The following KCNMA1 variants were observed in gnomAD, a reference collection of about 807,000 sequenced individuals.
The protein encoded by KCNMA1 is potassium calcium-activated channel subfamily M alpha 1, also known as Calcium-activated potassium channel subunit alpha-1.
Under a neutral mutation model 140.0 loss-of-function variants are expected in KCNMA1, and 29 were observed. That is an observed-to-expected ratio of 0.21 (90% CI 0.15 to 0.28). KCNMA1 has a LOEUF of 0.28. Ranked by LOEUF, KCNMA1 falls within the 10% of genes least tolerant of loss-of-function variation. KCNMA1 has a pLI of 1.00. For synonymous variants in KCNMA1, 612 were observed against 611.9 expected (o/e 1.00, Z 0.00); for missense variants, 880 against 1,602.2 (o/e 0.55, Z 7.70).
chr10:76,921,943 A>T (rs947255082), intron 23 of KCNMA1, among the ~76,000 whole-genome samples: 1 of 152,186 alleles, frequency 6.6e-6, no homozygotes, highest in Non-Finnish European at 1.5e-5. Flanking sequence ...CAATAAAAAA[A>T]AGATTATTTA....
chr10:77,044,017 G>T (rs369101513), intron 14 of KCNMA1, among the ~76,000 whole-genome samples: 1 of 152,122 alleles, frequency 6.6e-6, no homozygotes. Context: ...CAATTAAAAA[G>T]ATTTTTAAAA....
intron 1 of KCNMA1, among the ~76,000 whole-genome samples, chr10:77,424,987 C>T (rs547133935): frequency 1.3e-5 from 2 of 152,342 alleles, no homozygotes; most frequent in Admixed American, 1.3e-4. Flanking sequence ...GTTGTCTACA[C>T]AGGGCCTAGC....
intron 1 of KCNMA1, among the ~76,000 whole-genome samples, chr10:77,592,648 C>G (rs2079562629): frequency 6.6e-6 from 1 of 152,110 alleles, no homozygotes; most frequent in African/African-American, 2.4e-5. Flanking sequence ...TGGGCAAGAC[C>G]CAGAGGCAGG....
chr10:77,154,824 G>T (rs973348805), intron 5 of KCNMA1, among the ~76,000 whole-genome samples: 3 of 152,194 alleles, frequency 2.0e-5, no homozygotes, highest in African/African-American at 7.2e-5. Flanking sequence ...ACTAAACAAT[G>T]AAGCAAACAA....
chr10:77,238,100 A>G (rs2056168799), intron 3 of KCNMA1, among the ~76,000 whole-genome samples: 1 of 152,126 alleles, frequency 6.6e-6, no homozygotes, highest in African/African-American at 2.4e-5. Flanking sequence ...GAAGCTGGGA[A>G]TTCAGATGAG....
At chr10:77,460,899 A>G (rs1017011364) in intron 1 of KCNMA1, among the ~76,000 whole-genome samples, 3 of 152,206 alleles carry the variant, frequency 2.0e-5, no homozygotes, top group Non-Finnish European at 4.4e-5. Flanking sequence ...TGAGGTCAAG[A>G]GTTCAAGACC....
At chr10:77,394,989 G>A (rs1402888768) in intron 2 of KCNMA1, among the ~76,000 whole-genome samples, 1 of 152,144 alleles carries the variant, frequency 6.6e-6, no homozygotes, top group African/African-American at 2.4e-5. Context: ...GTTTATGGAC[G>A]CTGAAATTTG....
At chr10:77,025,050 G>A (rs924240749) in intron 16 of KCNMA1, among the ~76,000 whole-genome samples, 2 of 151,636 alleles carry the variant, frequency 1.3e-5, no homozygotes, top group African/African-American at 4.8e-5. Flanking sequence ...CTGGAGAGAA[G>A]CATCCTCCTG....
At chr10:77,527,699 A>G (rs899486429) in intron 1 of KCNMA1, among the ~76,000 whole-genome samples, 1 of 152,186 alleles carries the variant, frequency 6.6e-6, no homozygotes, top group Non-Finnish European at 1.5e-5. Context: ...AAGAGAAAGA[A>G]AGAGAGAGAG....
chr10:76,985,536 C>G (rs2081029490), intron 19 of KCNMA1, among the ~76,000 whole-genome samples: 1 of 152,142 alleles, frequency 6.6e-6, no homozygotes, highest in African/African-American at 2.4e-5. Context: ...TTACAAACAA[C>G]TAAGATTACA....
At chr10:77,203,365 T>C (rs981247495) in intron 3 of KCNMA1, among the ~76,000 whole-genome samples, 2 of 152,126 alleles carry the variant, frequency 1.3e-5, no homozygotes, top group Admixed American at 1.3e-4. Context: ...CCCATGCTAT[T>C]CCCTTGCAAG....
rs543433004 is a variant in KCNMA1 at position 77,122,556 on chromosome 10, G to GA, written c.809-1509dup. On this transcript the variant is annotated intron_variant, in intron 5 of 27. Coordinates refer to ENST00000286628, the MANE Select transcript of KCNMA1 (RefSeq NM_001161352.2). ...AAGCAGAGAAAATATGAGAAAGGGA[G>GA]AAAAAAAAAAGATGAAACTTCAGAA... Among the ~76,000 whole-genome samples the GA allele has an allele frequency of 7.7e-4, 111 of 143,524 alleles. 1 individual carries two copies. The highest frequency in any genetic ancestry group is 3.5e-3 in the Middle Eastern group (1 of 286). The allele number at this position is 143,524 out of a possible 152,430, so 94.2% of individuals were successfully genotyped here.
rs573604193 is a variant in KCNMA1, at chr10:77,492,011, G to A, written c.379-87988C>T. ...GAGGGAATGGGCGAGCATCTTGTAC[G>A]CCCTGCCGGTCCCGCCTCACTGCCT... is the stretch of plus-strand genomic sequence containing the variant. On this transcript the variant is annotated intron_variant, in intron 1 of 27. Coordinates refer to ENST00000286628, the MANE Select transcript of KCNMA1 (RefSeq NM_001161352.2). Among the ~76,000 whole-genome samples the A allele has an allele frequency of 3.0e-4, 45 of 152,214 alleles. No individual in the cohort carries two copies. The South Asian group carries it at 7.7e-3, about 26-fold the overall frequency.
intron 1 of KCNMA1, among the ~76,000 whole-genome samples, chr10:77,431,833 A>T (rs2097161303): frequency 6.6e-6 from 1 of 152,042 alleles, no homozygotes; most frequent in South Asian, 2.1e-4. Flanking sequence ...CCATCTCTAA[A>T]ATATAAAAAA....
chr10:76,970,093 T>C (rs2075581419), intron 19 of KCNMA1, 26 bp from the exon 20 acceptor site: 3 of 1,585,354 alleles, frequency 1.9e-6, no homozygotes, highest in Non-Finnish European at 2.6e-6. Flanking sequence ...GCTCATGAGA[T>C]TATGAACAGT....
At chr10:77,280,036 C>T (rs1190633474) in intron 2 of KCNMA1, among the ~76,000 whole-genome samples, 1 of 152,226 alleles carries the variant, frequency 6.6e-6, no homozygotes, top group Non-Finnish European at 1.5e-5. Flanking sequence ...CCACCATTTG[C>T]TCTTTCCATA....
At chr10:77,442,345 A>C (rs112675582) in intron 1 of KCNMA1, among the ~76,000 whole-genome samples, 10,096 of 151,654 alleles carry the variant, frequency 0.067, 444 homozygotes, top group East Asian at 0.14. Context: ...TCCCCTTGCC[A>C]CCTAGACCCC....
intron 19 of KCNMA1, chr10:76,995,861 T>C: frequency 2.7e-6 from 1 of 365,022 alleles, no homozygotes; most frequent in Non-Finnish European, 5.4e-6. Context: ...AAGAAAGGTG[T>C]CCCATGATGG....
At chr10:76,958,942 G>A (rs1048669947) in intron 20 of KCNMA1, among the ~76,000 whole-genome samples, 9 of 152,120 alleles carry the variant, frequency 5.9e-5, no homozygotes, top group African/African-American at 7.2e-5. Flanking sequence ...GAAGGCCCCC[G>A]GCTGCCCTTC....
Sources: allele counts gnomAD v4.1 joint callset (sites outside exome capture counted in the v4.1 genomes callset), GRCh38; gene constraint gnomAD v4.1.1; transcripts MANE v1.5; gene names NCBI Gene and HGNC (gene_info 2026-07-23, HGNC 2026-07-21).